PLOD2: variants seen among roughly 807,000 people sequenced by gnomAD.
PLOD2 encodes lysine hydroxylase 2.
PLOD2 carries 65 observed loss-of-function variants against 101.0 expected under a neutral mutation model. The ratio of observed to expected loss-of-function variants is 0.64; its 90% CI spans 0.53 to 0.79. The LOEUF (loss-of-function observed/expected upper bound fraction) is 0.79. Ranked by LOEUF, PLOD2 falls within the 30% of genes least tolerant of loss-of-function variation. PLOD2 has a pLI of 0.00. For missense variants in PLOD2, 909 were observed against 914.6 expected (o/e 0.99, Z 0.08); for synonymous variants, 314 against 302.9 (o/e 1.04, Z -0.38).
chr3:146,133,547 C>A (rs942044436), intron 1 of PLOD2, among the ~76,000 whole-genome samples: 1 of 152,122 alleles, frequency 6.6e-6, no homozygotes, highest in Non-Finnish European at 1.5e-5. Flanking sequence ...AAGAACTCAA[C>A]CTAAACATGA....
intron 11 of PLOD2, among the ~76,000 whole-genome samples, chr3:146,082,737 C>CA (rs1936605186): frequency 6.6e-6 from 1 of 151,606 alleles, no homozygotes; most frequent in African/African-American, 2.4e-5. Flanking sequence ...CTAATAATAC[C>CA]AAAAAAAGTT....
chr3:146,149,366 A>T (rs2031949458), intron 1 of PLOD2, among the ~76,000 whole-genome samples: 1 of 152,196 alleles, frequency 6.6e-6, no homozygotes, highest in South Asian at 2.1e-4. Flanking sequence ...AATCAGATAT[A>T]ATTATCAATT....
At chr3:146,096,935 C>G (rs1387573688) in intron 7 of PLOD2, among the ~76,000 whole-genome samples, 2 of 140,118 alleles carry the variant, frequency 1.4e-5, no homozygotes. Flanking sequence ...CGCCTCTGCC[C>G]GGCCGCCCCT....
In PLOD2 at chr3:146,160,994, G is replaced by A. The variant is rs913099706; in HGVS notation, c.-5C>T. On this transcript the variant is annotated 5_prime_UTR_variant, in exon 1 of 20. Transcript: ENST00000282903. The stretch of plus-strand genomic sequence containing the variant: ...CTTCACCGTGCATCCCCCCATATTC[G>A]GCCCTCGAGGGCCGCGCGGGCTCAG... 6 of 1,553,504 alleles carry A rather than the reference G, an allele frequency of 3.9e-6. No homozygotes were observed. The highest frequency in any genetic ancestry group is 5.2e-6 in the Non-Finnish European group (6 of 1,144,854).
chr3:146,102,278 T>G (rs922610172), intron 7 of PLOD2, among the ~76,000 whole-genome samples: 2 of 152,196 alleles, frequency 1.3e-5, no homozygotes, highest in African/African-American at 4.8e-5. Flanking sequence ...CAGAAAGGCA[T>G]CCAAAATTTT....
chr3:146,114,083 G>A (rs1293359217), intron 3 of PLOD2, among the ~76,000 whole-genome samples: 1 of 152,094 alleles, frequency 6.6e-6, no homozygotes, highest in Non-Finnish European at 1.5e-5. Flanking sequence ...GGAAATTCCT[G>A]CCTAGTAAAT....
At chr3:146,158,245 G>A (rs1462082457) in intron 1 of PLOD2, among the ~76,000 whole-genome samples, 1 of 152,130 alleles carries the variant, frequency 6.6e-6, no homozygotes, top group Non-Finnish European at 1.5e-5. Context: ...TTCTGCCTCT[G>A]AAAGCTCCCA....
At chr3:146,072,538 C>T (rs1480569186) in intron 17 of PLOD2, 23 bp downstream of exon 17, 2 of 1,417,004 alleles carry the variant, frequency 1.4e-6, no homozygotes, top group Non-Finnish European at 2.0e-6. Context: ...CATTTTAGTT[C>T]TTAGTGTGAA....
At chr3:146,150,506 A>C (rs997479250) in intron 1 of PLOD2, among the ~76,000 whole-genome samples, 2 of 152,208 alleles carry the variant, frequency 1.3e-5, no homozygotes, top group African/African-American at 4.8e-5. Flanking sequence ...ATTCTCACTT[A>C]TATGTGGAAG....
At chr3:146,095,927 C>T (rs1414543630) in intron 7 of PLOD2, among the ~76,000 whole-genome samples, 2 of 139,370 alleles carry the variant, frequency 1.4e-5, no homozygotes, top group African/African-American at 5.3e-5. Flanking sequence ...CAGTCTCCCT[C>T]TGATGCCGAG....
intron 3 of PLOD2, among the ~76,000 whole-genome samples, chr3:146,113,942 T>C (rs1041868058): frequency 3.9e-5 from 6 of 152,120 alleles, no homozygotes; most frequent in Non-Finnish European, 7.4e-5. Flanking sequence ...GGAACAGCCC[T>C]GAGAAAGAAA....
rs372925683 is a variant in PLOD2 at position 146,086,928 on chromosome 3, T to C, written c.1006-20A>G. On this transcript the variant is annotated intron_variant, in intron 9 of 19. Coordinates refer to ENST00000282903, the MANE Select transcript of PLOD2 (RefSeq NM_182943.3). The stretch of plus-strand genomic sequence containing the variant: ...AACTTCCTGTAACATATTTTAAAAA[T>C]CAAAAATTAGAGAATAAGACAATCA... 5.6e-5 allele frequency: 79 copies of C among 1,414,558 alleles called. No homozygotes were observed. The highest frequency in any genetic ancestry group is 7.5e-5 in the Non-Finnish European group (76 of 1,017,110). The allele number at this position is 1,414,558 out of a possible 1,614,324, so 87.6% of individuals were successfully genotyped here. A position where few individuals can be genotyped will look rare whatever the true frequency, so the allele number is the denominator to read the frequency against.
At chr3:146,091,299 T>C (rs1178459704) in intron 8 of PLOD2, among the ~76,000 whole-genome samples, 3 of 151,896 alleles carry the variant, frequency 2.0e-5, no homozygotes, top group Admixed American at 1.3e-4. Flanking sequence ...TGCACCTCAG[T>C]TTTCTCGTCT....
intron 15 of PLOD2, among the ~76,000 whole-genome samples, chr3:146,075,772 A>G (rs1344341994): frequency 6.6e-6 from 1 of 151,734 alleles, no homozygotes; most frequent in African/African-American, 2.4e-5. Flanking sequence ...TTGAATACAC[A>G]AAACAAAAAT....
chr3:146,127,421 C>T (rs2030635685), intron 1 of PLOD2, among the ~76,000 whole-genome samples: 1 of 152,056 alleles, frequency 6.6e-6, no homozygotes, highest in African/African-American at 2.4e-5. Context: ...TAAGCGAGAA[C>T]ACGTGGCATT....
At chr3:146,072,695 A>ACAGAAGT in intron 16 of PLOD2, 30 bp from the exon 17 acceptor site, 1 of 1,311,614 alleles carries the variant, frequency 7.6e-7, no homozygotes, top group Non-Finnish European at 1.1e-6. Context: ...GTTAGAAGAC[A>ACAGAAGT]TAATAACTTC....
At chr3:146,155,192 G>C (rs1253379097) in intron 1 of PLOD2, among the ~76,000 whole-genome samples, 1 of 152,060 alleles carries the variant, frequency 6.6e-6, no homozygotes, top group Non-Finnish European at 1.5e-5. Flanking sequence ...AACAACAACA[G>C]AGTTGCAGTC....
chr3:146,075,113 C>T (rs960821768), intron 15 of PLOD2, among the ~76,000 whole-genome samples: 10 of 151,602 alleles, frequency 6.6e-5, no homozygotes, highest in African/African-American at 2.4e-4. Context: ...ATTCTACCCT[C>T]ACGACTAGAA....
intron 9 of PLOD2, among the ~76,000 whole-genome samples, chr3:146,087,458 T>C (rs962916457): frequency 6.6e-6 from 1 of 151,864 alleles, no homozygotes; most frequent in Non-Finnish European, 1.5e-5. Context: ...TTTAACAAAA[T>C]TCTATGGACA....
Sources: allele counts gnomAD v4.1 joint callset (sites outside exome capture counted in the v4.1 genomes callset), GRCh38; gene constraint gnomAD v4.1.1; transcripts MANE v1.5; gene names NCBI Gene and HGNC (gene_info 2026-07-23, HGNC 2026-07-21).